The following IKZF3 variants were observed in gnomAD, a reference collection of about 807,000 sequenced individuals.
IKZF3 encodes the protein IKAROS family zinc finger 3.
A neutral mutation model predicts 49.0 loss-of-function variants in IKZF3; 10 were observed. The ratio of observed to expected loss-of-function variants is 0.20; its 90% CI spans 0.13 to 0.35. The LOEUF is 0.35. Among genes scored for constraint, IKZF3 ranks in the 10% least tolerant of loss-of-function variants. The pLI is 1.00. For missense variants in IKZF3, 498 were observed against 664.8 expected, an observed-to-expected ratio of 0.75 and a Z score of 2.76; for synonymous variants, 209 against 228.2, an observed-to-expected ratio of 0.92 and a Z score of 0.76.
chr17:39,832,208 A>G, intron 1 of IKZF3, 57 bp from the exon 2 acceptor site: 1 of 1,318,340 alleles, frequency 7.6e-7, no homozygotes, highest in Non-Finnish European at 1.1e-6. Context: ...TACAGGTTTG[A>G]GCATTCCAAA....
At chr17:39,832,221 T>A in intron 1 of IKZF3, 70 bp from the exon 2 acceptor site, 2 of 1,089,164 alleles carry the variant, frequency 1.8e-6, no homozygotes, top group Non-Finnish European at 2.8e-6. Flanking sequence ...ATTCCAAATT[T>A]AATAAGGGAT....
rs2060103043 is a variant in IKZF3, at chr17:39,758,005, CTG to C, written c.*7783_*7784del. 1 of 152,172 alleles carries C rather than the reference CTG, an allele frequency of 6.6e-6. No homozygotes were observed. The highest frequency in any genetic ancestry group is 1.5e-5 in the Non-Finnish European group (1 of 68,046). 9.4% of individuals were successfully genotyped at this position (152,172 alleles called of 1,614,324 possible). ...TGAGAGGAGAGGCTGTGAGCACAGG[CTG>C]TGTCAAAACCCAGGGCAAGGGCTCC... is the stretch of plus-strand genomic sequence containing the variant. On this transcript the variant is annotated 3_prime_UTR_variant, in exon 8 of 8. Transcript: ENST00000346872.
intron 3 of IKZF3, among the ~76,000 whole-genome samples, chr17:39,804,642 A>G (rs1204443365): frequency 6.6e-6 from 1 of 152,142 alleles, no homozygotes; most frequent in East Asian, 1.9e-4. Flanking sequence ...TCCATGGCCC[A>G]CAGTGATAGC....
Position 39,759,738 on chromosome 17 carries a change from T to C in IKZF3, c.*6052A>G, listed in dbSNP as rs971379628. On this transcript the variant is annotated 3_prime_UTR_variant, in exon 8 of 8. Coordinates refer to ENST00000346872, the MANE Select transcript of IKZF3 (RefSeq NM_012481.5). ...TCCAGCTGCTGGTTTCAGATCAAAA[T>C]TGACCTCCTTCATCGGCACTTATAT... The C allele has an allele frequency of 3.3e-5, 5 of 152,262 alleles. No homozygotes were observed. The highest frequency in any genetic ancestry group is 1.2e-4 in the African/African-American group (5 of 41,460). 9.4% of individuals were successfully genotyped at this position (152,262 alleles called of 1,614,324 possible). A position where few individuals can be genotyped will look rare whatever the true frequency, so the allele number is the denominator to read the frequency against.
intron 1 of IKZF3, among the ~76,000 whole-genome samples, chr17:39,850,912 TTA>T (rs1036925498): frequency 2.9e-5 from 4 of 136,102 alleles, no homozygotes; most frequent in African/African-American, 8.4e-5. Flanking sequence ...TATACGTATA[TTA>T]TATATACATA....
At chr17:39,848,437 T>TGGGC (rs1458237830) in intron 1 of IKZF3, among the ~76,000 whole-genome samples, 1 of 152,196 alleles carries the variant, frequency 6.6e-6, no homozygotes, top group Non-Finnish European at 1.5e-5. Flanking sequence ...AAAGGAAAAA[T>TGGGC]GGGCATTTCA....
Position 39,758,694 on chromosome 17 carries a change from TG to T in IKZF3, c.*7095del, listed in dbSNP as rs1302320874. 1.3e-5 allele frequency: 2 copies of T among 151,690 alleles called. No individual in the cohort carries two copies. The highest frequency in any genetic ancestry group is 2.9e-5 in the Non-Finnish European group (2 of 67,962). The allele number at this position is 151,690 out of a possible 1,614,324, so 9.4% of individuals were successfully genotyped here. ...AGGGAGCAAAGCGCTTTGACTTCCC[TG>T]GGTGCGACACCATGAAGTGTCTATA... On this transcript the variant is annotated 3_prime_UTR_variant, in exon 8 of 8. Transcript: ENST00000346872.
intron 6 of IKZF3, among the ~76,000 whole-genome samples, chr17:39,783,748 G>A (rs2060802738): frequency 6.6e-6 from 1 of 150,420 alleles, no homozygotes; most frequent in Non-Finnish European, 1.5e-5. Context: ...GGCCAACATG[G>A]TGAAACCCCG....
chr17:39,786,101 G>A (rs1024915681), intron 6 of IKZF3, among the ~76,000 whole-genome samples: 23 of 152,142 alleles, frequency 1.5e-4, no homozygotes, highest in Non-Finnish European at 3.2e-4. Context: ...CTGCTTTTGC[G>A]GATGGTGATA....
Position 39,766,358 on chromosome 17 carries a change from C to T in IKZF3, c.962G>A (p.Arg321His), listed in dbSNP as rs1171389897. The T allele has an allele frequency of 3.1e-6, 5 of 1,613,996 alleles. No homozygotes were observed. Among genetic ancestry groups the T allele is most frequent in the Middle Eastern group, 1.6e-4 (1 of 6,084 alleles). ...AGCAGGCGGTGTCTGGACCAAGGGGCGCAGGGCTTCGGCGCCAAGATAGCT... is the reference window on the plus strand; with the variant it reads ...AGCAGGCGGTGTCTGGACCAAGGGGTGCAGGGCTTCGGCGCCAAGATAGCT... ...AISYLGAEALRPLVQTPPAPT... is the reference protein window; with the variant it reads ...AISYLGAEALHPLVQTPPAPT... The change falls in exon 8 of 8, where the codon CGC becomes CAC. Residue 321 changes from arginine (R) to histidine (H), a missense_variant. Arg to His is a conservative substitution (Grantham distance 29). Around this residue, in one of 3 missense-constraint regions of IKZF3, gnomAD observed 317 missense variants for 397.3 expected, o/e 0.80. Transcript: ENST00000346872.
At position 39,864,272 on chromosome 17, in the gene IKZF3, T is replaced by C; in HGVS notation, c.-146A>G. On this transcript the variant is annotated 5_prime_UTR_variant, in exon 1 of 8. Coordinates refer to ENST00000346872, the MANE Select transcript of IKZF3 (RefSeq NM_012481.5). ...ATCCGGCAGCCGCGTCGGCGCAGAC[T>C]GAAAAGGGCAGGAGCCGGCGACCTG... 2 of 910,728 alleles carry C rather than the reference T, an allele frequency of 2.2e-6. No individual in the cohort carries two copies. The highest frequency in any genetic ancestry group is 1.7e-5 in the South Asian group (1 of 59,214). 56.4% of individuals were successfully genotyped at this position (910,728 alleles called of 1,614,324 possible).
intron 3 of IKZF3, among the ~76,000 whole-genome samples, chr17:39,824,187 A>T (rs572076462): frequency 1.3e-5 from 2 of 152,302 alleles, no homozygotes; most frequent in South Asian, 4.1e-4. Flanking sequence ...GTCAAAGGAG[A>T]TCATTTTGGA....
chr17:39,837,572 C>T (rs1445068166), intron 1 of IKZF3, among the ~76,000 whole-genome samples: 2 of 151,874 alleles, frequency 1.3e-5, no homozygotes, highest in East Asian at 3.9e-4. Flanking sequence ...CCACACCTGG[C>T]CCAGTTTTTT....
At chr17:39,827,038 C>A (rs543083246) in intron 3 of IKZF3, among the ~76,000 whole-genome samples, 14 of 152,314 alleles carry the variant, frequency 9.2e-5, no homozygotes, top group African/African-American at 2.9e-4. Flanking sequence ...TACTGTGTCA[C>A]CCAGGCTGGA....
intron 3 of IKZF3, among the ~76,000 whole-genome samples, chr17:39,793,577 G>A (rs1174528132): frequency 2.0e-5 from 3 of 152,178 alleles, no homozygotes; most frequent in Non-Finnish European, 4.4e-5. Flanking sequence ...AAGACAAAAG[G>A]AAAAGTAATT....
At chr17:39,795,531 C>T (rs1426807766) in intron 3 of IKZF3, among the ~76,000 whole-genome samples, 3 of 151,928 alleles carry the variant, frequency 2.0e-5, no homozygotes, top group Non-Finnish European at 4.4e-5. Flanking sequence ...CTCAGCCTCC[C>T]GAGTAGCTGG....
At chr17:39,820,837 C>T (rs1033256928) in intron 3 of IKZF3, among the ~76,000 whole-genome samples, 3 of 152,112 alleles carry the variant, frequency 2.0e-5, no homozygotes, top group African/African-American at 7.2e-5. Context: ...ACCCAGTGAC[C>T]TCAGGGAAGA....
At chr17:39,818,683 C>A (rs1419332628) in intron 3 of IKZF3, among the ~76,000 whole-genome samples, 4 of 152,008 alleles carry the variant, frequency 2.6e-5, no homozygotes, top group Non-Finnish European at 4.4e-5. Context: ...GATGGTAAAA[C>A]CCCGTCTCTC....
At chr17:39,784,335 T>A (rs1349780890) in intron 6 of IKZF3, among the ~76,000 whole-genome samples, 2 of 152,162 alleles carry the variant, frequency 1.3e-5, no homozygotes, top group Non-Finnish European at 2.9e-5. Flanking sequence ...TAAGACAGAA[T>A]TGGAATATTC....
Sources: gnomAD v4.1 joint callset for allele counts (sites outside exome capture counted in the v4.1 genomes callset) on GRCh38, gnomAD v4.1.1 for gene constraint, gnomAD v4.1.1 regional missense constraint, MANE v1.5 for transcripts, NCBI Gene and HGNC (gene_info 2026-07-23, HGNC 2026-07-21) for gene names.